SHROOM2: variants seen among roughly 807,000 people sequenced by gnomAD.
SHROOM2 encodes shroom family member 2.
In SHROOM2, 33 loss-of-function variants were observed where a neutral mutation model predicts 75.9. The ratio of observed to expected loss-of-function variants is 0.43; its 90% CI spans 0.33 to 0.58. SHROOM2 has a LOEUF of 0.58. Among genes scored for constraint, SHROOM2 ranks in the 20% least tolerant of loss-of-function variants. SHROOM2 has a pLI of 0.04. For synonymous variants in SHROOM2, 655 were observed against 663.6 expected, an observed-to-expected ratio of 0.99 and a Z score of 0.20; for missense variants, 1,434 against 1,461.2, an observed-to-expected ratio of 0.98 and a Z score of 0.30.
chrX:9,796,841 C>T lies in SHROOM2; in HGVS notation c.165+10131C>T, dbSNP rs375842138. ...TGTATTTTCTGTAGAGGTAGGGTTT[C>T]GCCATATTGCCCAGGGTGGTCTCGA... is the stretch of plus-strand genomic sequence containing the variant. On this transcript the variant is annotated intron_variant, in intron 1 of 9. Coordinates refer to ENST00000380913, the MANE Select transcript of SHROOM2 (RefSeq NM_001649.4). Among the ~76,000 whole-genome samples the T allele has an allele frequency of 9.0e-5, 10 of 110,772 alleles. No homozygotes were observed. In the South Asian group the frequency reaches 3.9e-3, roughly 44 times the overall value.
At chrX:9,796,354 G>A (rs1217328592) in intron 1 of SHROOM2, among the ~76,000 whole-genome samples, 2 of 110,380 alleles carry the variant, frequency 1.8e-5, no homozygotes, top group Non-Finnish European at 3.8e-5. Flanking sequence ...AGCCAAGGAG[G>A]TTGAGGGTGC....
intron 1 of SHROOM2, among the ~76,000 whole-genome samples, chrX:9,815,543 A>C (rs868173858): frequency 1.5e-4 from 14 of 94,890 alleles, no homozygotes; most frequent in African/African-American, 3.9e-4. Context: ...TTATATATAT[A>C]TATCCTATAT....
At chrX:9,941,694 G>A (rs902112641) in intron 8 of SHROOM2, among the ~76,000 whole-genome samples, 75 of 110,726 alleles carry the variant, frequency 6.8e-4, no homozygotes, top group South Asian at 3.5e-3. Context: ...CTGAGCGGCC[G>A]GGCGCGGTGG....
At chrX:9,792,723 G>A (rs983188680) in intron 1 of SHROOM2, among the ~76,000 whole-genome samples, 3 of 108,443 alleles carry the variant, frequency 2.8e-5, no homozygotes, top group East Asian at 2.9e-4. Context: ...GCATGATAGC[G>A]TATTTTTTTT....
chrX:9,839,922 T>C (rs757875424), intron 1 of SHROOM2, among the ~76,000 whole-genome samples: 1 of 112,025 alleles, frequency 8.9e-6, no homozygotes, highest in Admixed American at 9.5e-5. Flanking sequence ...GAGCTCTAAC[T>C]TCAACCTTGA....
intron 1 of SHROOM2, among the ~76,000 whole-genome samples, chrX:9,835,320 C>G (rs2083938135): frequency 8.9e-6 from 1 of 111,914 alleles, no homozygotes; most frequent in South Asian, 3.7e-4. Context: ...GGCTCTGTCT[C>G]CCTCTCTTCC....
chrX:9,888,523 A>G lies in SHROOM2; in HGVS notation c.318-2454A>G, dbSNP rs779981431. 4.1e-3 allele frequency among the ~76,000 whole-genome samples: 455 copies of G among 111,397 alleles called. 5 individuals are homozygous for G. Among genetic ancestry groups the G allele is most frequent in the African/African-American group, 0.015 (445 of 30,620 alleles). On this transcript the variant is annotated intron_variant, in intron 2 of 9. Coordinates refer to ENST00000380913, the MANE Select transcript of SHROOM2 (RefSeq NM_001649.4). ...CAGTAGCGCAAACACGGCTCACTACAGCCTCAACCTCCTGGGCTCAAATCA... is the reference window on the plus strand; with the variant it reads ...CAGTAGCGCAAACACGGCTCACTACGGCCTCAACCTCCTGGGCTCAAATCA...
At chrX:9,910,094 G>A (rs1287096796) in intron 5 of SHROOM2, among the ~76,000 whole-genome samples, 1 of 110,610 alleles carries the variant, frequency 9.0e-6, no homozygotes, top group Non-Finnish European at 1.9e-5. Context: ...TTTCAACATA[G>A]GAATTTGGGG....
intron 1 of SHROOM2, among the ~76,000 whole-genome samples, chrX:9,867,806 A>G (rs181351601): frequency 3.0e-3 from 335 of 111,400 alleles, no homozygotes; most frequent in Non-Finnish European, 5.2e-3. Context: ...ACCAAAACAC[A>G]TTTTTGCTGG....
intron 1 of SHROOM2, among the ~76,000 whole-genome samples, chrX:9,815,434 ATGTGTGTGTGTGTGTGTGTGTGTGTGTG>A (rs56223508): frequency 3.0e-4 from 27 of 88,714 alleles, no homozygotes; most frequent in African/African-American, 1.1e-3. Context: ...TATACATATT[ATGTGTGTGTGTGTGTGTGTGTGTGTGTG>A]TGTGTGTGTG....
At chrX:9,909,351 A>G (rs947516377) in intron 5 of SHROOM2, among the ~76,000 whole-genome samples, 3 of 112,937 alleles carry the variant, frequency 2.7e-5, no homozygotes, top group African/African-American at 9.6e-5. Flanking sequence ...TGAAGAATAG[A>G]GAAATCTGCT....
At chrX:9,934,091 G>A (rs1356033357) in intron 6 of SHROOM2, among the ~76,000 whole-genome samples, 2 of 111,745 alleles carry the variant, frequency 1.8e-5, no homozygotes, top group Non-Finnish European at 3.8e-5. Flanking sequence ...GATGCCAGCT[G>A]CTCTTAGGCT....
chrX:9,838,910 A>AT (rs771838113), intron 1 of SHROOM2, among the ~76,000 whole-genome samples: 11 of 111,240 alleles, frequency 9.9e-5, no homozygotes, highest in Non-Finnish European at 2.1e-4. Context: ...CGGAAAGGAG[A>AT]TTCGTGGTTG....
chrX:9,823,164 TTTC>T (rs201275795), intron 1 of SHROOM2, among the ~76,000 whole-genome samples: 6,852 of 35,258 alleles, frequency 0.19, 786 homozygotes, highest in East Asian at 0.35. Context: ...TTCTTCTTCT[TTTC>T]TTCTTCTTCT....
chrX:9,933,321 A>AT (rs997687325), intron 6 of SHROOM2, among the ~76,000 whole-genome samples: 7 of 108,576 alleles, frequency 6.4e-5, no homozygotes, highest in Admixed American at 9.9e-5. Context: ...TTTTTTCCAG[A>AT]TTTTTTTTTA....
intron 5 of SHROOM2, among the ~76,000 whole-genome samples, chrX:9,910,816 CAAA>C (rs201958775): frequency 1.0e-5 from 1 of 95,631 alleles, no homozygotes; most frequent in Non-Finnish European, 2.1e-5. Context: ...GACTCCATCT[CAAA>C]AAAAAAAAAG....
At chrX:9,901,905 G>T (rs1306558137) in intron 5 of SHROOM2, among the ~76,000 whole-genome samples, 1 of 107,546 alleles carries the variant, frequency 9.3e-6, no homozygotes, top group Non-Finnish European at 1.9e-5. Flanking sequence ...TCAATAAATG[G>T]TTGGATGGAT....
intron 1 of SHROOM2, among the ~76,000 whole-genome samples, chrX:9,792,068 A>C (rs1297308487): frequency 8.5e-5 from 1 of 11,734 alleles, no homozygotes; most frequent in Non-Finnish European, 1.8e-4. Context: ...ATAGAATAGA[A>C]TAGAATAGAA....
chrX:9,929,902 A>G (rs12848186), intron 5 of SHROOM2, among the ~76,000 whole-genome samples: 1 of 110,699 alleles, frequency 9.0e-6, no homozygotes, highest in Non-Finnish European at 1.9e-5. Context: ...ACAAGACCTG[A>G]TGGGTTTATC....
Sources: gnomAD v4.1 joint callset for allele counts (sites outside exome capture counted in the v4.1 genomes callset) on GRCh38, gnomAD v4.1.1 for gene constraint, MANE v1.5 for transcripts, NCBI Gene and HGNC (gene_info 2026-07-23, HGNC 2026-07-21) for gene names.